Variants in ADCY1 observed in about 807,000 individuals in gnomAD.
ADCY1 encodes adenylate cyclase type 1.
A neutral mutation model predicts 105.4 loss-of-function variants in ADCY1; 28 were observed. The observed-to-expected ratio is 0.27, with a 90% CI of 0.20 to 0.36. The LOEUF (loss-of-function observed/expected upper bound fraction) is 0.36. Ranked by LOEUF, ADCY1 falls within the 10% of genes least tolerant of loss-of-function variation. The probability of loss-of-function intolerance (pLI) is 1.00; values close to 1 mark genes in which losing one functional copy is unlikely to be tolerated. For synonymous variants in ADCY1, 655 were observed against 623.8 expected (o/e 1.05, Z -0.75); for missense variants, 977 against 1,434.2 (o/e 0.68, Z 5.15).
At chr7:45,705,364 T>A (rs1785094980) in intron 17 of ADCY1, among the ~76,000 whole-genome samples, 1 of 152,206 alleles carries the variant, frequency 6.6e-6, no homozygotes, top group Non-Finnish European at 1.5e-5. Context: ...ATGGAAAGAA[T>A]TATATACTAA....
chr7:45,610,527 G>C, intron 3 of ADCY1, 30 bp downstream of exon 3: 1 of 1,588,150 alleles, frequency 6.3e-7, no homozygotes, highest in Non-Finnish European at 8.6e-7. Context: ...GGCACAGCGG[G>C]GAGCCTGGGA....
chr7:45,621,556 C>T (rs1793888046), intron 3 of ADCY1, among the ~76,000 whole-genome samples: 1 of 152,274 alleles, frequency 6.6e-6, no homozygotes, highest in African/African-American at 2.4e-5. Flanking sequence ...AGTCTTATTC[C>T]CATTTTACAT....
At chr7:45,668,176 G>A (rs1162223626) in intron 8 of ADCY1, among the ~76,000 whole-genome samples, 2 of 152,216 alleles carry the variant, frequency 1.3e-5, no homozygotes, top group Non-Finnish European at 2.9e-5. Flanking sequence ...TTGAATAGGA[G>A]TGGTGAGAGA....
rs1423584074 is a variant in ADCY1 at position 45,622,638 on chromosome 7, G to C, written c.915G>C (p.Leu305=). 6.2e-7 allele frequency: 1 copy of C among 1,614,090 alleles called. No individual in the cohort carries two copies. Among genetic ancestry groups the C allele is most frequent in the Non-Finnish European group, 8.5e-7 (1 of 1,179,936 alleles). The part of the protein sequence containing the change: ...YIQRHDNVSI[L]FADIVGFTGL... ...GCACCCCTTTCTCTTGCAGCATCCT[G>C]TTTGCTGACATCGTGGGTTTCACGG... Residue 305 remains leucine, a synonymous_variant, in exon 4 of 20, where the codon CTG becomes CTC. Transcript: ENST00000297323.
At chr7:45,582,564 C>T (rs1239989535) in intron 1 of ADCY1, among the ~76,000 whole-genome samples, 1 of 110,892 alleles carries the variant, frequency 9.0e-6, no homozygotes, top group Non-Finnish European at 1.8e-5. Context: ...AGGGCAGGCA[C>T]CTGGCGGGGG....
Position 45,686,808 on chromosome 7 carries a change from C to A in ADCY1, c.2454+135C>A. 7.6e-7 allele frequency: 1 copy of A among 1,318,172 alleles called. No homozygotes were observed. The highest frequency in any genetic ancestry group is 1.0e-6 in the Non-Finnish European group (1 of 990,286). The allele number at this position is 1,318,172 out of a possible 1,614,324, so 81.7% of individuals were successfully genotyped here. On this transcript the variant is annotated intron_variant, in intron 14 of 19. Transcript: ENST00000297323. This position sits in a 1 kb window ranked among gnomAD's most constrained non-coding sequence, Gnocchi z 4.3. ...TCGGAGGGCCCTCCTCAGCAGCATG[C>A]AAGCCAGGCACTGTCCGGGGATGGA...
chr7:45,671,582 G>T (rs1784368913), intron 8 of ADCY1, among the ~76,000 whole-genome samples: 1 of 152,118 alleles, frequency 6.6e-6, no homozygotes, highest in Non-Finnish European at 1.5e-5. Context: ...AGCATTTGGT[G>T]TTCTCTCTCT....
intron 8 of ADCY1, chr7:45,664,206 A>C (rs1417467157): frequency 7.8e-7 from 1 of 1,274,938 alleles, no homozygotes; most frequent in Non-Finnish European, 1.1e-6. Context: ...CGTTGGGCCT[A>C]GGAGAAGTTT....
At chr7:45,629,120 C>G (rs562395889) in intron 4 of ADCY1, among the ~76,000 whole-genome samples, 3 of 152,304 alleles carry the variant, frequency 2.0e-5, no homozygotes, top group South Asian at 2.1e-4. Flanking sequence ...TTACTCTCTC[C>G]CTGTGTCCAG....
chr7:45,612,419 C>G (rs1793616542), intron 3 of ADCY1, among the ~76,000 whole-genome samples: 1 of 152,198 alleles, frequency 6.6e-6, no homozygotes, highest in Admixed American at 6.5e-5. Context: ...CTGGGATTAG[C>G]TGACACTAAT....
chr7:45,589,957 T>C (rs1319800904), intron 1 of ADCY1, among the ~76,000 whole-genome samples: 2 of 152,168 alleles, frequency 1.3e-5, no homozygotes, highest in African/African-American at 2.4e-5. Context: ...ATGGTTCCCA[T>C]TCTCGTGAGG....
In ADCY1 at chr7:45,699,030, A is replaced by C. The variant is rs113269799; in HGVS notation, c.2455-4346A>C. On this transcript the variant is annotated intron_variant, in intron 14 of 19. Coordinates refer to ENST00000297323, the MANE Select transcript of ADCY1 (RefSeq NM_021116.4). ...CATACAGCCAGCTGAGTACCAACTCATGGTGTGAGGCCTGGGGAGGTGGCT... is the reference window on the plus strand; with the variant it reads ...CATACAGCCAGCTGAGTACCAACTCCTGGTGTGAGGCCTGGGGAGGTGGCT... Among the ~76,000 whole-genome samples the C allele has an allele frequency of 6.6e-3, 1,000 of 152,332 alleles. 6 individuals carry two copies. Among genetic ancestry groups the C allele is most frequent in the African/African-American group, 0.023 (951 of 41,570 alleles).
At chr7:45,700,842 A>G (rs915002218) in intron 14 of ADCY1, among the ~76,000 whole-genome samples, 13 of 152,220 alleles carry the variant, frequency 8.5e-5, no homozygotes, top group Non-Finnish European at 5.9e-5. Flanking sequence ...AGACTCTGTC[A>G]GGGTGACTGT....
chr7:45,671,244 T>C (rs1784359737), intron 8 of ADCY1, among the ~76,000 whole-genome samples: 1 of 152,192 alleles, frequency 6.6e-6, no homozygotes. Flanking sequence ...CTGGGATCCA[T>C]CCAAGTTGTG....
intron 4 of ADCY1, among the ~76,000 whole-genome samples, chr7:45,625,688 C>A (rs1200566082): frequency 1.3e-5 from 2 of 151,850 alleles, no homozygotes; most frequent in African/African-American, 4.8e-5. Flanking sequence ...GTGTGTGTAC[C>A]TGTGTGAGTG....
At chr7:45,583,494 C>T (rs747667820) in intron 1 of ADCY1, among the ~76,000 whole-genome samples, 3 of 152,200 alleles carry the variant, frequency 2.0e-5, no homozygotes, top group Admixed American at 6.5e-5. Context: ...TATCAGAGTA[C>T]AGTGTTTCCT....
chr7:45,611,275 C>G (rs1182331570), intron 3 of ADCY1, among the ~76,000 whole-genome samples: 3 of 151,864 alleles, frequency 2.0e-5, no homozygotes, highest in African/African-American at 7.3e-5. Flanking sequence ...GGACATCTGC[C>G]TAGCAGGGAA....
intron 4 of ADCY1, among the ~76,000 whole-genome samples, chr7:45,646,297 A>G (rs1159656325): frequency 1.3e-5 from 2 of 152,186 alleles, no homozygotes; most frequent in East Asian, 3.9e-4. Context: ...TTTGCAGGAC[A>G]GAGACTGGCG....
In ADCY1 at chr7:45,717,342, A is replaced by T. The variant is rs192306681; in HGVS notation, c.*3347A>T. ...CTCCAAACCCCAGCCACTTCCTGGGAGTTCAGGAACTGTGTTTAGCCATAA... is the reference window on the plus strand; with the variant it reads ...CTCCAAACCCCAGCCACTTCCTGGGTGTTCAGGAACTGTGTTTAGCCATAA... On this transcript the variant is annotated 3_prime_UTR_variant, in exon 20 of 20. Transcript: ENST00000297323. The T allele has an allele frequency of 6.6e-6, 1 of 152,656 alleles. No homozygotes were observed. The highest frequency in any genetic ancestry group is 2.4e-5 in the African/African-American group (1 of 41,574). The allele number at this position is 152,656 out of a possible 1,614,324, so 9.5% of individuals were successfully genotyped here. A position where few individuals can be genotyped will look rare whatever the true frequency, so the allele number is the denominator to read the frequency against.
Sources: allele counts gnomAD v4.1 joint callset (sites outside exome capture counted in the v4.1 genomes callset), GRCh38; gene constraint gnomAD v4.1.1; non-coding constraint Gnocchi (gnomAD v3.1); transcripts MANE v1.5; gene names NCBI Gene and HGNC (gene_info 2026-07-23, HGNC 2026-07-21).